Variants in BRDT observed in about 807,000 individuals in gnomAD.
BRDT encodes the protein bromodomain testis-specific protein.
Under a neutral mutation model 113.9 loss-of-function variants are expected in BRDT, and 77 were observed. The ratio of observed to expected loss-of-function variants is 0.68; its 90% CI spans 0.56 to 0.82. The LOEUF is 0.82. Among genes scored for constraint, BRDT ranks in the 40% least tolerant of loss-of-function variants. BRDT has a pLI of 0.00. For synonymous variants in BRDT, 358 were observed against 366.5 expected, an observed-to-expected ratio of 0.98 and a Z score of 0.26; for missense variants, 1,027 against 1,105.4, an observed-to-expected ratio of 0.93 and a Z score of 1.01.
chr1:91,980,751 A>G lies in BRDT; in HGVS notation c.1396A>G (p.Asn466Asp). The stretch of plus-strand genomic sequence containing the variant: ...GGAAAAGAAAAAAGAAAAGGTTAAT[A>G]ACAGCAATGAAAATCCAAGAAAAAT... ...KKEKKKEKVN[N>D]SNENPRKMCE... is the part of the protein sequence containing the mutation. Residue 466 changes from asparagine to aspartate, a missense_variant, in exon 9 of 19, where the codon AAC (asparagine) becomes GAC (aspartate). Coordinates refer to ENST00000399546, the MANE Select transcript of BRDT (RefSeq NM_207189.4). 6.2e-7 allele frequency: 1 copy of G among 1,606,870 alleles called. No individual in the cohort carries two copies. The highest frequency in any genetic ancestry group is 1.3e-5 in the African/African-American group (1 of 74,378).
chr1:91,977,646 G>C, intron 6 of BRDT: 2 of 237,798 alleles, frequency 8.4e-6, no homozygotes, highest in Non-Finnish European at 1.6e-5. Context: ...CAAGGCGGGC[G>C]GATCACTTGA....
intron 15 of BRDT, among the ~76,000 whole-genome samples, chr1:91,998,749 T>C (rs1686579215): frequency 6.6e-6 from 1 of 152,176 alleles, no homozygotes; most frequent in African/African-American, 2.4e-5. Context: ...ATGAGTATCA[T>C]TTGAGCTGGA....
Position 91,981,268 on chromosome 1 carries a change from C to G in BRDT, c.1751C>G (p.Ala584Gly). Residue 584 changes from alanine to glycine, a missense_variant and splice_region_variant, in exon 11 of 19, where the codon GCT becomes GGT. Physicochemically the swap from Ala to Gly is moderately conservative, Grantham distance 60 (BLOSUM62 0). Transcript: ENST00000399546. ...CLRKRPLKPP[A>G]KKIMMSKEEL... ...CTTTCTTCCCTCCTAAATCACACAG[C>G]TAAGAAAATAATGATGTCCAAAGAA... 6.2e-7 allele frequency: 1 copy of G among 1,613,512 alleles called. No individual in the cohort carries two copies. Among genetic ancestry groups the G allele is most frequent in the Admixed American group, 1.7e-5 (1 of 59,950 alleles).
intron 18 of BRDT, among the ~76,000 whole-genome samples, chr1:92,006,810 A>T (rs948671765): frequency 6.8e-6 from 1 of 147,944 alleles, no homozygotes; most frequent in Non-Finnish European, 1.5e-5. Context: ...TTTTTGAGAC[A>T]GAATTTTGCT....
chr1:91,977,490 A>G, intron 6 of BRDT, 97 bp downstream of exon 6: 2 of 1,059,780 alleles, frequency 1.9e-6, no homozygotes, highest in Non-Finnish European at 2.7e-6. Context: ...AGATGAAGGA[A>G]ATTAAGATCA....
At chr1:91,971,707 G>A (rs1296829519) in intron 4 of BRDT, among the ~76,000 whole-genome samples, 3 of 152,170 alleles carry the variant, frequency 2.0e-5, no homozygotes, top group Non-Finnish European at 4.4e-5. Flanking sequence ...AGACAAACAT[G>A]ACAGATTCAG....
rs370401501 is a variant in BRDT, at chr1:92,002,372, G to GT, written c.2388+232dup. Among the ~76,000 whole-genome samples, 712 of 150,532 alleles carry GT rather than the reference G, an allele frequency of 4.7e-3. 6 individuals are homozygous for GT. The highest frequency in any genetic ancestry group is 0.017 in the Middle Eastern group (5 of 292). ...CTCTTGTTTGTGTTTTTTTGTTGTTGTTTTTTTTTGAGATGGAGTCTCACT... is the reference window on the plus strand; with the variant it reads ...CTCTTGTTTGTGTTTTTTTGTTGTTGTTTTTTTTTTGAGATGGAGTCTCACT... On this transcript the variant is annotated intron_variant, in intron 16 of 18. Transcript: ENST00000399546.
chr1:91,992,317 A>T lies in BRDT; in HGVS notation c.2115+3A>T, dbSNP rs775283493. ...AAGGAAGAACAGGCGTCACACAGGT[A>T]ATGCTTAAAATGTGTTTTAAAGAAC... is the stretch of plus-strand genomic sequence containing the variant. On this transcript the variant is annotated splice_donor_region_variant and intron_variant, in intron 14 of 18. Coordinates refer to ENST00000399546, the MANE Select transcript of BRDT (RefSeq NM_207189.4). 5 of 1,491,016 alleles carry T rather than the reference A, an allele frequency of 3.4e-6. No homozygotes were observed. In the Admixed American group the frequency reaches 1.2e-4, roughly 35 times the overall value. The allele number at this position is 1,491,016 out of a possible 1,614,324, so 92.4% of individuals were successfully genotyped here.
intron 15 of BRDT, among the ~76,000 whole-genome samples, chr1:91,998,850 G>A (rs1198241515): frequency 2.0e-5 from 3 of 152,146 alleles, no homozygotes; most frequent in East Asian, 1.9e-4. Context: ...AAGGTATTTA[G>A]GCAACTCATA....
chr1:92,008,355 T>C (rs1033356674), intron 18 of BRDT, among the ~76,000 whole-genome samples: 11 of 152,154 alleles, frequency 7.2e-5, no homozygotes, highest in African/African-American at 2.7e-4. Context: ...ATGCCTTTAT[T>C]TGGCCTTTTT....
chr1:91,950,829 A>G (rs1226276132), intron 1 of BRDT: 1 of 151,640 alleles, frequency 6.6e-6, no homozygotes, highest in African/African-American at 2.4e-5. Flanking sequence ...GTTTGAGACC[A>G]GCCTGGCCGA....
Position 91,992,190 on chromosome 1 carries a change from T to C in BRDT, c.2065-74T>C. The C allele has an allele frequency of 3.7e-6, 3 of 804,566 alleles. No homozygotes were observed. In the South Asian group the frequency reaches 7.9e-5, roughly 21 times the overall value. The allele number at this position is 804,566 out of a possible 1,614,324, so 49.8% of individuals were successfully genotyped here. On this transcript the variant is annotated intron_variant, in intron 13 of 18. Coordinates refer to ENST00000399546, the MANE Select transcript of BRDT (RefSeq NM_207189.4). ...AATACTGTCTTAAAAGAGCTCTAAT[T>C]TGTGAAAAAGAAATATAATCACATG... is the stretch of plus-strand genomic sequence containing the variant.
intron 4 of BRDT, among the ~76,000 whole-genome samples, chr1:91,969,823 G>GTTTTTTTTTTTTTTTTTTTTTTTTT (rs66466350): frequency 1.4e-5 from 1 of 71,716 alleles, no homozygotes; most frequent in African/African-American, 4.9e-5. Flanking sequence ...GTGTGTGTGT[G>GTTTTTTTTTTTTTTTTTTTTTTTTT]TTTTTTTTTT....
At chr1:91,980,004 T>C (rs560025834) in intron 8 of BRDT, among the ~76,000 whole-genome samples, 1 of 152,316 alleles carries the variant, frequency 6.6e-6, no homozygotes, top group South Asian at 2.1e-4. Flanking sequence ...ATTGAAATGA[T>C]TTATGAAATA....
At chr1:91,958,182 C>T (rs932541353) in intron 1 of BRDT, among the ~76,000 whole-genome samples, 5 of 147,366 alleles carry the variant, frequency 3.4e-5, no homozygotes, top group African/African-American at 9.9e-5. Flanking sequence ...CAGGCTTTCA[C>T]GATGTCTTTT....
chr1:91,985,959 C>T (rs1003810697), intron 12 of BRDT, among the ~76,000 whole-genome samples: 1 of 152,168 alleles, frequency 6.6e-6, no homozygotes, highest in Non-Finnish European at 1.5e-5. Flanking sequence ...AAAATGAGAG[C>T]TCTATGGACT....
At chr1:91,997,930 G>A (rs1038907989) in intron 15 of BRDT, among the ~76,000 whole-genome samples, 15 of 152,150 alleles carry the variant, frequency 9.9e-5, no homozygotes, top group Non-Finnish European at 1.9e-4. Flanking sequence ...ACAATTAAAT[G>A]ATAAAAGCAA....
Position 91,980,923 on chromosome 1 carries a change from C to A in BRDT, c.1495C>A (p.Leu499Ile). The change falls in exon 10 of 19, where the codon CTA becomes ATA. Residue 499 changes from leucine to isoleucine, a missense_variant. Transcript: ENST00000399546. ...GAAAAGGAAACAACAGTTCATTGGT[C>A]TAAAATCTGAAGATGAAGATAATGC... is the stretch of plus-strand genomic sequence containing the variant. The part of the protein sequence containing the change: ...PKKRKQQFIG[L>I]KSEDEDNAKP... 6.2e-7 allele frequency: 1 copy of A among 1,611,484 alleles called. No homozygotes were observed. The highest frequency in any genetic ancestry group is 8.5e-7 in the Non-Finnish European group (1 of 1,179,466).
chr1:91,992,880 T>C (rs1321038661), intron 14 of BRDT, among the ~76,000 whole-genome samples: 1 of 151,872 alleles, frequency 6.6e-6, no homozygotes, highest in African/African-American at 2.4e-5. Flanking sequence ...TGGTCTGTCT[T>C]GCCAAAGGTG....
Sources: gnomAD v4.1 joint callset for allele counts (sites outside exome capture counted in the v4.1 genomes callset) on GRCh38, gnomAD v4.1.1 for gene constraint, MANE v1.5 for transcripts, NCBI Gene and HGNC (gene_info 2026-07-23, HGNC 2026-07-21) for gene names.